TRPC1: variants seen among roughly 807,000 people sequenced by gnomAD.
TRPC1 encodes the protein transient receptor potential cation channel subfamily C member 1.
Under a neutral mutation model 88.2 loss-of-function variants are expected in TRPC1, and 42 were observed. The ratio of observed to expected loss-of-function variants is 0.48; its 90% CI spans 0.37 to 0.62. The LOEUF is 0.62. TRPC1 is among the 20% of genes least tolerant of loss of function. TRPC1 has a pLI of 0.00. For synonymous variants in TRPC1, 288 were observed against 331.8 expected (o/e 0.87, Z 1.43); for missense variants, 699 against 957.3 (o/e 0.73, Z 3.56).
rs1236575576 is a variant in TRPC1, at chr3:142,783,189, A to G, written c.961-1515A>G. Among the ~76,000 whole-genome samples the G allele has an allele frequency of 2.0e-5, 3 of 152,178 alleles. No individual in the cohort carries two copies. The East Asian group carries it at 5.8e-4, about 29-fold the overall frequency. ...TAACATTACTGCAAATTAAATTGTC[A>G]TTGTATAGAGGGATAGCAAGGACAG... is the stretch of plus-strand genomic sequence containing the variant. On this transcript the variant is annotated intron_variant, in intron 6 of 12. Coordinates refer to ENST00000476941, the MANE Select transcript of TRPC1 (RefSeq NM_001251845.2).
At chr3:142,749,468 A>C (rs1473872429) in intron 4 of TRPC1, among the ~76,000 whole-genome samples, 2 of 152,222 alleles carry the variant, frequency 1.3e-5, no homozygotes, top group Admixed American at 1.3e-4. Context: ...CATAGATGAC[A>C]GCTCCATGCA....
At chr3:142,735,428 T>C (rs1424574228) in intron 1 of TRPC1, among the ~76,000 whole-genome samples, 2 of 152,212 alleles carry the variant, frequency 1.3e-5, no homozygotes, top group Non-Finnish European at 2.9e-5. Flanking sequence ...GCACATCACG[T>C]AAAATGACTT....
intron 4 of TRPC1, among the ~76,000 whole-genome samples, chr3:142,777,066 C>A (rs1400494577): frequency 1.3e-5 from 2 of 152,106 alleles, no homozygotes; most frequent in African/African-American, 4.8e-5. Context: ...AATCCCAGCA[C>A]TTTGGGAGGC....
intron 4 of TRPC1, among the ~76,000 whole-genome samples, chr3:142,755,066 C>G (rs1934909774): frequency 6.6e-6 from 1 of 152,082 alleles, no homozygotes; most frequent in Admixed American, 6.6e-5. Flanking sequence ...CTAGAGCTAA[C>G]CACTGTTACT....
In TRPC1 at chr3:142,807,388, T is replaced by G. The variant is rs1393466726; in HGVS notation, c.*1153T>G. On this transcript the variant is annotated 3_prime_UTR_variant, in exon 13 of 13. Transcript: ENST00000476941. The stretch of plus-strand genomic sequence containing the variant: ...AATATGTATTTAAATTTTTGGTGTG[T>G]TCACATAAAGGGATGTAGCTAAAAT... 1 of 152,188 alleles carries G rather than the reference T, an allele frequency of 6.6e-6. No individual in the cohort carries two copies. The highest frequency in any genetic ancestry group is 6.5e-5 in the Admixed American group (1 of 15,278). The allele number at this position is 152,188 out of a possible 1,614,324, so 9.4% of individuals were successfully genotyped here. A position where few individuals can be genotyped will look rare whatever the true frequency, so the allele number is the denominator to read the frequency against.
At chr3:142,766,942 T>C (rs1935414920) in intron 4 of TRPC1, among the ~76,000 whole-genome samples, 2 of 152,260 alleles carry the variant, frequency 1.3e-5, no homozygotes, top group South Asian at 4.1e-4. Flanking sequence ...ATATTGTATG[T>C]CCTTTAAATT....
intron 4 of TRPC1, among the ~76,000 whole-genome samples, chr3:142,777,275 G>A (rs764112575): frequency 2.8e-4 from 43 of 152,066 alleles, no homozygotes; most frequent in Admixed American, 1.2e-3. Context: ...ACTCTGGCCT[G>A]GGTGACAGAG....
intron 6 of TRPC1, among the ~76,000 whole-genome samples, chr3:142,783,201 G>C (rs192760084): frequency 6.6e-6 from 1 of 152,264 alleles, no homozygotes; most frequent in Non-Finnish European, 1.5e-5. Context: ...TGTATAGAGG[G>C]ATAGCAAGGA....
Position 142,804,046 on chromosome 3 carries a change from A to G in TRPC1, c.1827A>G (p.Thr609=), listed in dbSNP as rs1012293379. The G allele has an allele frequency of 2.5e-6, 4 of 1,613,708 alleles. No individual in the cohort carries two copies. The African/African-American group carries it at 4.0e-5, about 16-fold the overall frequency. The change falls in exon 11 of 13, where the codon ACA becomes ACG. Residue 609 remains threonine, a synonymous_variant. Coordinates refer to ENST00000476941, the MANE Select transcript of TRPC1 (RefSeq NM_001251845.2). ...FSLAHVAIFV[T]RFSYGEELQS... is the part of the protein sequence containing the mutation. Reference sequence around the variant, plus strand: ...TAGCGCATGTGGCAATCTTTGTCACAAGATTTAGCTATGGAGAAGAACTGC... The same window carrying G: ...TAGCGCATGTGGCAATCTTTGTCACGAGATTTAGCTATGGAGAAGAACTGC...
intron 4 of TRPC1, among the ~76,000 whole-genome samples, chr3:142,766,722 G>A (rs1451666273): frequency 3.3e-5 from 5 of 151,948 alleles, no homozygotes; most frequent in African/African-American, 1.2e-4. Flanking sequence ...CTCAAACACT[G>A]GACTCCAAGT....
At chr3:142,774,546 TACAAAC>T (rs1275390121) in intron 4 of TRPC1, among the ~76,000 whole-genome samples, 7 of 152,300 alleles carry the variant, frequency 4.6e-5, no homozygotes, top group Non-Finnish European at 1.0e-4. Flanking sequence ...ATGGCAAAAC[TACAAAC>T]CTCATTGACT....
At chr3:142,731,448 G>A (rs1933907471) in intron 1 of TRPC1, among the ~76,000 whole-genome samples, 2 of 136,766 alleles carry the variant, frequency 1.5e-5, no homozygotes. Context: ...GCAGTGGCGT[G>A]ATCTCGGTTC....
chr3:142,777,436 C>T (rs1157627425), intron 4 of TRPC1, among the ~76,000 whole-genome samples, 196 bp from the exon 5 acceptor site: 1 of 152,034 alleles, frequency 6.6e-6, no homozygotes, highest in Non-Finnish European at 1.5e-5. Context: ...CAATAGATAG[C>T]AAGGTTTTTC....
At position 142,736,363 on chromosome 3, in the gene TRPC1, G is replaced by T. The variant is rs770767843; in HGVS notation, c.173-16G>T. On this transcript the variant is annotated splice_polypyrimidine_tract_variant and intron_variant, in intron 1 of 12. Coordinates refer to ENST00000476941, the MANE Select transcript of TRPC1 (RefSeq NM_001251845.2). ...ATGTCACGGATATTAAATTATGTTT[G>T]TATATTGTTATTTAGGTGACTATTA... 6.4e-7 allele frequency: 1 copy of T among 1,554,396 alleles called. No individual in the cohort carries two copies. The highest frequency in any genetic ancestry group is 8.7e-7 in the Non-Finnish European group (1 of 1,150,140).
intron 4 of TRPC1, among the ~76,000 whole-genome samples, chr3:142,761,139 G>C (rs1441098242): frequency 6.6e-6 from 1 of 152,062 alleles, no homozygotes; most frequent in African/African-American, 2.4e-5. Flanking sequence ...AATAATAGTG[G>C]GAAAGTGGGC....
At chr3:142,734,759 G>C (rs143759504) in intron 1 of TRPC1, among the ~76,000 whole-genome samples, 1,693 of 151,854 alleles carry the variant, frequency 0.011, 33 homozygotes, top group African/African-American at 0.038. Flanking sequence ...GCAACATAGC[G>C]AGACCTCATC....
chr3:142,771,417 C>T (rs1020781107), intron 4 of TRPC1, among the ~76,000 whole-genome samples: 1 of 152,152 alleles, frequency 6.6e-6, no homozygotes, highest in East Asian at 1.9e-4. Flanking sequence ...CTCAAGCAGT[C>T]CCCCCGCCAG....
chr3:142,804,211 C>A (rs765630640), intron 11 of TRPC1, 33 bp downstream of exon 11: 16 of 1,602,648 alleles, frequency 1.0e-5, no homozygotes, highest in Middle Eastern at 3.4e-4. Context: ...TTTATATTCT[C>A]CTCAGACCAT....
intron 2 of TRPC1, among the ~76,000 whole-genome samples, chr3:142,738,904 A>C (rs1326517800): frequency 6.6e-6 from 1 of 152,178 alleles, no homozygotes; most frequent in African/African-American, 2.4e-5. Context: ...TCACTTACTT[A>C]ATCCTCACAA....
Sources: gnomAD v4.1 joint callset for allele counts (sites outside exome capture counted in the v4.1 genomes callset) on GRCh38, gnomAD v4.1.1 for gene constraint, MANE v1.5 for transcripts, NCBI Gene and HGNC (gene_info 2026-07-23, HGNC 2026-07-21) for gene names.